Variants in SLC24A2 observed in about 807,000 individuals in gnomAD.
The protein encoded by SLC24A2 is sodium/potassium/calcium exchanger 2.
Under a neutral mutation model 62.0 loss-of-function variants are expected in SLC24A2, and 36 were observed. The ratio of observed to expected loss-of-function variants is 0.58; its 90% confidence interval spans 0.44 to 0.77. The LOEUF is 0.77. Ranked by LOEUF, SLC24A2 falls within the 30% of genes least tolerant of loss-of-function variation. The pLI, the probability that SLC24A2 is intolerant of heterozygous loss-of-function variation, is 0.00. For synonymous variants in SLC24A2, 358 were observed against 294.0 expected (o/e 1.22, Z -2.23); for missense variants, 846 against 817.9 (o/e 1.03, Z -0.42).
At chr9:20,019,155 A>AAGAAAGAAAGAGAGAG in the SLC24A2 span, among the ~76,000 whole-genome samples, 151 of 117,162 alleles carry the variant, frequency 1.3e-3, 7 homozygotes, top group Non-Finnish European at 2.0e-3. Flanking sequence ...GAAAGAAAGA[A>AAGAAAGAAAGAGAGAG]AGAGAGAGAG....
the SLC24A2 span, among the ~76,000 whole-genome samples, chr9:20,302,264 G>C: frequency 6.6e-6 from 1 of 152,150 alleles, no homozygotes; most frequent in African/African-American, 2.4e-5. Context: ...TTGCTGGGCT[G>C]TATGGTAAGC....
chr9:20,027,627 G>A, the SLC24A2 span, among the ~76,000 whole-genome samples: 2 of 152,172 alleles, frequency 1.3e-5, no homozygotes, highest in African/African-American at 2.4e-5. Flanking sequence ...GAGCAGAATG[G>A]TGGTTATTAG....
the SLC24A2 span, among the ~76,000 whole-genome samples, chr9:20,001,611 G>A: frequency 6.6e-6 from 1 of 152,168 alleles, no homozygotes; most frequent in Non-Finnish European, 1.5e-5. Flanking sequence ...GCTGAGTTTG[G>A]TGGATATTCA....
At chr9:19,569,335 C>A (rs1196989285) in intron 7 of SLC24A2, among the ~76,000 whole-genome samples, 1 of 152,192 alleles carries the variant, frequency 6.6e-6, no homozygotes, top group Non-Finnish European at 1.5e-5. Context: ...TACCTCACCT[C>A]CCTTTGTCTA....
chr9:19,543,861 A>T (rs1401505751), intron 8 of SLC24A2, among the ~76,000 whole-genome samples: 2 of 152,142 alleles, frequency 1.3e-5, no homozygotes, highest in African/African-American at 4.8e-5. Flanking sequence ...TATGTGGTCC[A>T]TTTTAGAATA....
chr9:19,665,761 C>A (rs370255261), intron 2 of SLC24A2, among the ~76,000 whole-genome samples: 1 of 151,954 alleles, frequency 6.6e-6, no homozygotes, highest in Non-Finnish European at 1.5e-5. Flanking sequence ...GTAGCTGGTA[C>A]GCGCCACCAT....
chr9:20,043,519 T>A, the SLC24A2 span, among the ~76,000 whole-genome samples: 1 of 152,200 alleles, frequency 6.6e-6, no homozygotes, highest in African/African-American at 2.4e-5. Context: ...CATTTGTGAT[T>A]CATACCAGGA....
At chr9:19,667,324 C>T (rs1409271515) in intron 2 of SLC24A2, among the ~76,000 whole-genome samples, 1 of 152,144 alleles carries the variant, frequency 6.6e-6, no homozygotes, top group Admixed American at 6.5e-5. Context: ...TACCTTCCCA[C>T]CCAGGTCCAT....
the SLC24A2 span, among the ~76,000 whole-genome samples, chr9:19,986,970 G>A: frequency 6.6e-5 from 10 of 152,086 alleles, no homozygotes; most frequent in Non-Finnish European, 1.5e-4. Flanking sequence ...AAAGGATACT[G>A]TTGGTGCTGA....
rs116303974 is a variant in SLC24A2, at chr9:19,647,009, T to C, written c.931-24710A>G. On this transcript the variant is annotated intron_variant, in intron 2 of 10. Transcript: ENST00000341998. ...ACCATTTTCATGAATCATTCCAAGA[T>C]TTTCCCAGATAAAATTAATTTCCTT... Among the ~76,000 whole-genome samples the C allele has an allele frequency of 2.2e-3, 333 of 151,346 alleles. 4 individuals carry two copies. The highest frequency in any genetic ancestry group is 7.8e-3 in the African/African-American group (319 of 41,128).
intron 9 of SLC24A2, among the ~76,000 whole-genome samples, chr9:19,521,791 A>C (rs1188786294): frequency 2.0e-5 from 3 of 152,184 alleles, no homozygotes; most frequent in African/African-American, 2.4e-5. Flanking sequence ...ACTAAATGAT[A>C]ATCTGTGACA....
chr9:20,250,464 T>G, the SLC24A2 span, among the ~76,000 whole-genome samples: 2 of 152,342 alleles, frequency 1.3e-5, no homozygotes, highest in African/African-American at 4.8e-5. Flanking sequence ...TCAGGAGCCA[T>G]AACCACTTGA....
intron 2 of SLC24A2, among the ~76,000 whole-genome samples, chr9:19,682,054 T>C (rs1362507298): frequency 6.6e-6 from 1 of 152,120 alleles, no homozygotes; most frequent in African/African-American, 2.4e-5. Context: ...TACGTTGACA[T>C]TTCTTATGCA....
At chr9:20,289,321 T>G in the SLC24A2 span, among the ~76,000 whole-genome samples, 1 of 152,168 alleles carries the variant, frequency 6.6e-6, no homozygotes, top group Non-Finnish European at 1.5e-5. Context: ...ACCAATAAAT[T>G]ATTGTAATCA....
chr9:19,884,428 T>C, the SLC24A2 span, among the ~76,000 whole-genome samples: 1 of 152,202 alleles, frequency 6.6e-6, no homozygotes, highest in Non-Finnish European at 1.5e-5. Flanking sequence ...TGAACACTGT[T>C]GTATAGTTGA....
At chr9:20,175,377 T>C in the SLC24A2 span, among the ~76,000 whole-genome samples, 1 of 151,778 alleles carries the variant, frequency 6.6e-6, no homozygotes, top group Non-Finnish European at 1.5e-5. Context: ...TCCAATAACC[T>C]GTGGGAAAAA....
chr9:19,719,027 T>C (rs1166535492), intron 2 of SLC24A2, among the ~76,000 whole-genome samples: 2 of 152,190 alleles, frequency 1.3e-5, no homozygotes, highest in African/African-American at 4.8e-5. Context: ...AAGTCCTTTG[T>C]AAAAGGAGTC....
chr9:20,125,932 G>A, the SLC24A2 span, among the ~76,000 whole-genome samples: 2 of 152,168 alleles, frequency 1.3e-5, no homozygotes, highest in African/African-American at 4.8e-5. Flanking sequence ...ACACCACTCT[G>A]CAGCTGCCAG....
intron 6 of SLC24A2, among the ~76,000 whole-genome samples, chr9:19,574,844 A>T (rs1563976846): frequency 6.6e-6 from 1 of 152,160 alleles, no homozygotes; most frequent in South Asian, 2.1e-4. Flanking sequence ...TTTGGGTCAA[A>T]TCATGGATTT....
Sources: allele counts gnomAD v4.1 joint callset (sites outside exome capture counted in the v4.1 genomes callset), GRCh38; gene constraint gnomAD v4.1.1; transcripts MANE v1.5; gene names NCBI Gene and HGNC (gene_info 2026-07-23, HGNC 2026-07-21).